The following RTKN2 variants were observed in gnomAD, a reference collection of about 807,000 sequenced individuals.
RTKN2 encodes the protein rhotekin 2, also known as rhotekin-2.
In RTKN2, 69 loss-of-function variants were observed where a neutral mutation model predicts 71.5. The observed-to-expected ratio is 0.96, with a 90% CI of 0.79 to 1.18. The LOEUF is 1.18. RTKN2 is among the 50% of genes most tolerant of loss of function. RTKN2 has a pLI of 0.00. For synonymous variants in RTKN2, 236 were observed against 236.5 expected (o/e 1.00, Z 0.02); for missense variants, 724 against 719.7 (o/e 1.01, Z -0.07).
At chr10:62,268,461 G>A in intron 1 of RTKN2, 90 bp downstream of exon 1, 2 of 1,213,308 alleles carry the variant, frequency 1.6e-6, no homozygotes, top group Non-Finnish European at 2.4e-6. Context: ...GCGGGGGAGA[G>A]GCTTTCCCGA....
downstream of RTKN2, among the ~76,000 whole-genome samples, chr10:62,192,406 G>C (rs1841237188): frequency 1.3e-5 from 2 of 152,102 alleles, no homozygotes; most frequent in African/African-American, 2.4e-5. Flanking sequence ...AGATGTGGTG[G>C]GTAGCCTGCT....
intron 2 of RTKN2, among the ~76,000 whole-genome samples, chr10:62,249,755 G>A (rs1842544565): frequency 6.6e-6 from 1 of 152,068 alleles, no homozygotes; most frequent in African/African-American, 2.4e-5. Flanking sequence ...GATACTAAAT[G>A]AATTAATATT....
chr10:62,221,609 A>G (rs1403893732), intron 7 of RTKN2, among the ~76,000 whole-genome samples: 3 of 152,220 alleles, frequency 2.0e-5, no homozygotes, highest in Admixed American at 6.5e-5. Context: ...ATCAAATAAC[A>G]AAGGTTCAAA....
chr10:62,203,387 C>A (rs1228903759), intron 10 of RTKN2, among the ~76,000 whole-genome samples: 3 of 150,338 alleles, frequency 2.0e-5, no homozygotes, highest in Non-Finnish European at 4.4e-5. Flanking sequence ...CTCTATCGCC[C>A]AGGTTGGAGT....
chr10:62,255,209 T>C (rs1441984716), intron 2 of RTKN2, among the ~76,000 whole-genome samples: 1 of 152,174 alleles, frequency 6.6e-6, no homozygotes, highest in Non-Finnish European at 1.5e-5. Context: ...CAAAAACCTA[T>C]AAATATTGAT....
chr10:62,188,208 C>T (rs1339684869), downstream of RTKN2, among the ~76,000 whole-genome samples: 1 of 152,204 alleles, frequency 6.6e-6, no homozygotes, highest in Non-Finnish European at 1.5e-5. Flanking sequence ...AGGTCGCAGT[C>T]ATGCCTAGAC....
At chr10:62,255,818 T>C (rs1164701082) in intron 2 of RTKN2, among the ~76,000 whole-genome samples, 4 of 152,324 alleles carry the variant, frequency 2.6e-5, no homozygotes, top group Admixed American at 6.5e-5. Context: ...AGATATCATA[T>C]TGCATCAATT....
chr10:62,193,274 C>T lies in RTKN2; in HGVS notation c.*4634G>A. 2.1e-6 allele frequency: 2 copies of T among 970,270 alleles called. No homozygotes were observed. Among genetic ancestry groups the T allele is most frequent in the Non-Finnish European group, 2.5e-6 (2 of 816,180 alleles). The allele number at this position is 970,270 out of a possible 1,614,324, so 60.1% of individuals were successfully genotyped here. ...GTATATACAAGATCTTTTCAATCTA[C>T]CTCTCCTTTAGTAGTTACATTAAGA... On this transcript the variant is annotated 3_prime_UTR_variant, in exon 12 of 12. Coordinates refer to ENST00000373789, the MANE Select transcript of RTKN2 (RefSeq NM_145307.4).
In RTKN2 at chr10:62,199,843, C is replaced by A. The variant is rs368039978; in HGVS notation, c.1205G>T (p.Cys402Phe). 1 of 1,612,588 alleles carries A rather than the reference C, an allele frequency of 6.2e-7. No individual in the cohort carries two copies. The highest frequency in any genetic ancestry group is 1.7e-5 in the Admixed American group (1 of 59,978). ...FFDLSQWKHC[C>F]EELMKIEIMS... ...AATCTCAATTTTCATAAGTTCTTCA[C>A]AACAGTGCTTCCATTGGCCTAAGAC... The change falls in exon 11 of 12, where the codon TGT becomes TTT. Residue 402 changes from cysteine to phenylalanine, a missense_variant. Cys to Phe is a radical substitution (Grantham distance 205). Transcript: ENST00000373789.
At chr10:62,189,904 T>C (rs538570474), downstream of RTKN2, among the ~76,000 whole-genome samples, 1 of 151,872 alleles carries the variant, frequency 6.6e-6, no homozygotes, top group Non-Finnish European at 1.5e-5. Context: ...GCCTTCTACC[T>C]AAAGAAATGT....
chr10:62,221,345 GC>G (rs1841901975), intron 7 of RTKN2, among the ~76,000 whole-genome samples: 1 of 151,958 alleles, frequency 6.6e-6, no homozygotes, highest in South Asian at 2.1e-4. Flanking sequence ...AGGAAAAATT[GC>G]CTTAAAAGGC....
In RTKN2 at chr10:62,268,790, C is replaced by A; in HGVS notation, c.-180G>T. The stretch of plus-strand genomic sequence containing the variant: ...ACGCGCAGTGGGCGCGCCTTGCGCT[C>A]TGCAGCTCCCGCCGCCGGAAGTTGC... On this transcript the variant is annotated 5_prime_UTR_variant, in exon 1 of 12. Coordinates refer to ENST00000373789, the MANE Select transcript of RTKN2 (RefSeq NM_145307.4). 1 of 596,158 alleles carries A rather than the reference C, an allele frequency of 1.7e-6. No homozygotes were observed. The highest frequency in any genetic ancestry group is 2.2e-5 in the South Asian group (1 of 45,304). The allele number at this position is 596,158 out of a possible 1,614,324, so 36.9% of individuals were successfully genotyped here.
downstream of RTKN2, among the ~76,000 whole-genome samples, chr10:62,189,970 G>A (rs1841195094): frequency 6.6e-6 from 1 of 151,692 alleles, no homozygotes; most frequent in African/African-American, 2.4e-5. Flanking sequence ...ACTTCTTCTA[G>A]TTGTCCCAGA....
downstream of RTKN2, among the ~76,000 whole-genome samples, chr10:62,189,271 G>A (rs1484094769): frequency 6.6e-6 from 1 of 151,900 alleles, no homozygotes; most frequent in African/African-American, 2.4e-5. Context: ...TAGTTGCAAC[G>A]ATAAAAAATG....
chr10:62,218,195 C>A lies in RTKN2; in HGVS notation c.888G>T (p.Gln296His). 6.3e-7 allele frequency: 1 copy of A among 1,599,244 alleles called. No homozygotes were observed. The highest frequency in any genetic ancestry group is 8.6e-7 in the Non-Finnish European group (1 of 1,167,152). The change falls in exon 8 of 12, where the codon CAG (glutamine) becomes CAT (histidine). Residue 296 changes from glutamine to histidine, a missense_variant and splice_region_variant. Physicochemically the swap from Gln to His is conservative, Grantham distance 24 (BLOSUM62 0). Transcript: ENST00000373789. ...EDAFAGFLNQ[Q>H]QMVEGLISWR... ...TGTAGGATATTTAAAGTCCTCTAAC[C>A]TGCTGATTAAGAAATCCTGCAAATG...
At chr10:62,255,125 T>TA (rs1842651006) in intron 2 of RTKN2, among the ~76,000 whole-genome samples, 1 of 152,186 alleles carries the variant, frequency 6.6e-6, no homozygotes, top group Admixed American at 6.5e-5. Context: ...TTCTGTATGT[T>TA]AAAAAAGAAT....
At chr10:62,224,145 G>A (rs1274004707) in intron 6 of RTKN2, among the ~76,000 whole-genome samples, 1 of 152,078 alleles carries the variant, frequency 6.6e-6, no homozygotes, top group Non-Finnish European at 1.5e-5. Context: ...ACCTAGAGTA[G>A]TGAAATTCAT....
chr10:62,253,828 C>G (rs988453404), intron 2 of RTKN2, among the ~76,000 whole-genome samples: 2 of 151,712 alleles, frequency 1.3e-5, no homozygotes, highest in African/African-American at 2.4e-5. Flanking sequence ...AAAAGTGATA[C>G]AGTGGAAAAA....
downstream of RTKN2, among the ~76,000 whole-genome samples, chr10:62,189,270 C>T (rs553481862): frequency 6.6e-5 from 10 of 152,024 alleles, no homozygotes; most frequent in Non-Finnish European, 1.0e-4. Context: ...CTAGTTGCAA[C>T]GATAAAAAAT....
Sources: gnomAD v4.1 joint callset for allele counts (sites outside exome capture counted in the v4.1 genomes callset) on GRCh38, gnomAD v4.1.1 for gene constraint, MANE v1.5 for transcripts, NCBI Gene and HGNC (gene_info 2026-07-23, HGNC 2026-07-21) for gene names.